The following RHOA variants were observed in gnomAD, a reference collection of about 807,000 sequenced individuals.
RHOA encodes the protein ras homolog family member A.
Under a neutral mutation model 17.5 loss-of-function variants are expected in RHOA, and 3 were observed. That is an observed-to-expected ratio of 0.17 (90% CI 0.08 to 0.44). The LOEUF (loss-of-function observed/expected upper bound fraction) is 0.44, where lower values mean the gene tolerates loss of function less well. Among genes scored for constraint, RHOA ranks in the 20% least tolerant of loss-of-function variants. RHOA has a pLI of 0.99. For synonymous variants in RHOA, 98 were observed against 88.4 expected (o/e 1.11, Z -0.61); for missense variants, 56 against 242.3 (o/e 0.23, Z 5.10).
At chr3:49,404,466 C>A (rs1575287666) in intron 1 of RHOA, among the ~76,000 whole-genome samples, 1 of 6,378 alleles carries the variant, frequency 1.6e-4, no homozygotes, top group Non-Finnish European at 5.8e-4. Flanking sequence ...ACAAAATTAG[C>A]CGGGCATGGT....
intron 2 of RHOA, among the ~76,000 whole-genome samples, chr3:49,369,006 C>G (rs1301445354): frequency 1.0e-4 from 6 of 59,706 alleles, no homozygotes; most frequent in Admixed American, 2.9e-4. Flanking sequence ...CGCGCCTGGC[C>G]TTTTTTTTTT....
intron 1 of RHOA, among the ~76,000 whole-genome samples, chr3:49,403,967 C>A (rs1324367976): frequency 6.6e-6 from 1 of 151,288 alleles, no homozygotes; most frequent in Non-Finnish European, 1.5e-5. Flanking sequence ...CTCCCACCAC[C>A]CCCGAAAAAA....
chr3:49,383,419 CA>C (rs397819188), intron 1 of RHOA, among the ~76,000 whole-genome samples: 157 of 124,778 alleles, frequency 1.3e-3, no homozygotes, highest in Middle Eastern at 4.3e-3. Context: ...GAATCCATCT[CA>C]AAAAAAAAAA....
At chr3:49,406,527 A>G (rs2048834834) in intron 1 of RHOA, among the ~76,000 whole-genome samples, 1 of 152,204 alleles carries the variant, frequency 6.6e-6, no homozygotes, top group African/African-American at 2.4e-5. Context: ...TAATCCCAGC[A>G]GGAAGCTGAG....
intron 3 of RHOA, chr3:49,365,301 C>A (rs1019199315): frequency 6.6e-6 from 1 of 151,734 alleles, no homozygotes; most frequent in Admixed American, 6.6e-5. Context: ...CGCCACCACG[C>A]CCGGATGATT....
Position 49,375,449 on chromosome 3 carries a change from C to T in RHOA, c.141G>A (p.Glu47=), listed in dbSNP as rs773981040. Residue 47 remains glutamate, a synonymous_variant, in exon 2 of 5, where the codon GAG becomes GAA. Coordinates refer to ENST00000418115, the MANE Select transcript of RHOA (RefSeq NM_001664.4). ...TVFENYVADI[E]VDGKQVELAL... ...GTATACTCACCTGCTTTCCATCCAC[C>T]TCGATATCTGCCACATAGTTCTCAA... 1.9e-6 allele frequency: 3 copies of T among 1,610,922 alleles called. No individual in the cohort carries two copies. The highest frequency in any genetic ancestry group is 2.2e-5 in the South Asian group (2 of 90,356).
intron 1 of RHOA, among the ~76,000 whole-genome samples, chr3:49,398,277 G>C (rs71324955): frequency 7.2e-5 from 11 of 151,946 alleles, no homozygotes; most frequent in Non-Finnish European, 7.4e-5. Context: ...CTTGAACCCA[G>C]AAGGCGGAGG....
intron 1 of RHOA, among the ~76,000 whole-genome samples, chr3:49,409,952 T>G (rs2048904683): frequency 1.3e-5 from 2 of 152,200 alleles, no homozygotes. Flanking sequence ...AGTTGGTCCC[T>G]TAAAAAAAAA....
chr3:49,375,651 G>A (rs2107850646), intron 1 of RHOA, 60 bp from the exon 2 acceptor site: 1 of 1,546,958 alleles, frequency 6.5e-7, no homozygotes, highest in Non-Finnish European at 8.8e-7. Flanking sequence ...TAGCTTACAG[G>A]ATGACACATG....
intron 1 of RHOA, among the ~76,000 whole-genome samples, chr3:49,395,500 G>T (rs2107888403): frequency 6.6e-6 from 1 of 152,174 alleles, no homozygotes; most frequent in East Asian, 1.9e-4. Flanking sequence ...ATCACCTGAG[G>T]TCAGGAGTTC....
intron 2 of RHOA, among the ~76,000 whole-genome samples, chr3:49,374,419 C>T (rs1182285599): frequency 6.6e-6 from 1 of 150,960 alleles, no homozygotes; most frequent in East Asian, 2.0e-4. Flanking sequence ...TATACGTAAA[C>T]TTGAAAAGAG....
At chr3:49,385,065 A>C (rs1480551075) in intron 1 of RHOA, among the ~76,000 whole-genome samples, 3 of 150,708 alleles carry the variant, frequency 2.0e-5, no homozygotes, top group Non-Finnish European at 2.9e-5. Flanking sequence ...TCTCGGGGGA[A>C]AAACAAATTT....
In RHOA at chr3:49,375,533, T is replaced by C. The variant is rs2107849877; in HGVS notation, c.57A>G (p.Thr19=). The change falls in exon 2 of 5, where the codon ACA becomes ACG. Residue 19 remains threonine, a synonymous_variant. Transcript: ENST00000418115. ...VIVGDGACGK[T]CLLIVFSKDQ... is the part of the protein sequence containing the mutation. ...CCTTGCTGAAGACTATGAGCAAGCA[T>C]GTCTTTCCACAGGCTCCATCACCAA... 1 of 1,614,126 alleles carries C rather than the reference T, an allele frequency of 6.2e-7. No homozygotes were observed. Among genetic ancestry groups the C allele is most frequent in the Middle Eastern group, 1.6e-4 (1 of 6,062 alleles).
intron 2 of RHOA, among the ~76,000 whole-genome samples, chr3:49,370,377 G>C (rs1034853413): frequency 6.6e-6 from 1 of 152,208 alleles, no homozygotes; most frequent in African/African-American, 2.4e-5. Flanking sequence ...AGGAAAGAAA[G>C]CAGACAGGAG....
chr3:49,391,961 G>A (rs1559511181), intron 1 of RHOA, among the ~76,000 whole-genome samples: 1 of 150,836 alleles, frequency 6.6e-6, no homozygotes, highest in Non-Finnish European at 1.5e-5. Context: ...CCAAGTAGCT[G>A]GGATTATAGG....
At chr3:49,388,997 T>C (rs1050095941) in intron 1 of RHOA, among the ~76,000 whole-genome samples, 1 of 151,302 alleles carries the variant, frequency 6.6e-6, no homozygotes, top group Non-Finnish European at 1.5e-5. Flanking sequence ...AAGAACCACA[T>C]GTTTCATACC....
At chr3:49,372,212 A>C (rs1287701372) in intron 2 of RHOA, among the ~76,000 whole-genome samples, 2 of 152,080 alleles carry the variant, frequency 1.3e-5, no homozygotes, top group African/African-American at 2.4e-5. Flanking sequence ...TGTCCATATA[A>C]AACCAGTTTT....
At chr3:49,390,722 G>A (rs2048487593) in intron 1 of RHOA, among the ~76,000 whole-genome samples, 2 of 152,182 alleles carry the variant, frequency 1.3e-5, no homozygotes. Flanking sequence ...AATTTTGATA[G>A]AGTGACAGTA....
chr3:49,383,204 C>G (rs192881960), intron 1 of RHOA, among the ~76,000 whole-genome samples: 3 of 151,558 alleles, frequency 2.0e-5, no homozygotes, highest in African/African-American at 7.3e-5. Context: ...GAGGCCGAGG[C>G]GGGCAGATCA....
Sources: gnomAD v4.1 joint callset for allele counts (sites outside exome capture counted in the v4.1 genomes callset) on GRCh38, gnomAD v4.1.1 for gene constraint, MANE v1.5 for transcripts, NCBI Gene and HGNC (gene_info 2026-07-23, HGNC 2026-07-21) for gene names.